USP13: variants seen among roughly 807,000 people sequenced by gnomAD.
USP13 encodes the protein ubiquitin carboxyl-terminal hydrolase 13.
USP13 carries 68 observed loss-of-function variants against 107.8 expected under a neutral mutation model. The observed-to-expected ratio is 0.63, with a 90% CI of 0.52 to 0.77. The LOEUF (loss-of-function observed/expected upper bound fraction) is 0.77, where lower values mean the gene tolerates loss of function less well. Ranked by LOEUF, USP13 falls within the 30% of genes least tolerant of loss-of-function variation. The probability of loss-of-function intolerance (pLI) is 0.00; values close to 1 mark genes in which losing one functional copy is unlikely to be tolerated. For missense variants in USP13, 945 were observed against 1,093.3 expected (o/e 0.86, Z 1.91); for synonymous variants, 377 against 389.5 (o/e 0.97, Z 0.38).
At chr3:179,667,528 T>A (rs1476887004) in intron 1 of USP13, among the ~76,000 whole-genome samples, 1 of 152,234 alleles carries the variant, frequency 6.6e-6, no homozygotes, top group African/African-American at 2.4e-5. Flanking sequence ...CGTATGCCGA[T>A]GGTTTCCATG....
At chr3:179,747,971 G>A (rs1023257232) in intron 13 of USP13, among the ~76,000 whole-genome samples, 2 of 152,190 alleles carry the variant, frequency 1.3e-5, no homozygotes, top group African/African-American at 4.8e-5. Context: ...AGTACTGGGT[G>A]TATCCAGTTG....
chr3:179,666,230 C>T (rs957654493), intron 1 of USP13, among the ~76,000 whole-genome samples: 2 of 152,062 alleles, frequency 1.3e-5, no homozygotes, highest in Admixed American at 6.6e-5. Context: ...GTGGTCATTC[C>T]GGAAGTGGAA....
intron 17 of USP13, among the ~76,000 whole-genome samples, chr3:179,761,712 ACT>A (rs949780169): frequency 1.3e-5 from 2 of 152,096 alleles, no homozygotes; most frequent in Non-Finnish European, 2.9e-5. Context: ...ACAGAGCGAG[ACT>A]CTGTCTCAAA....
intron 19 of USP13, among the ~76,000 whole-genome samples, chr3:179,772,583 A>G (rs886351564): frequency 6.6e-6 from 1 of 152,228 alleles, no homozygotes; most frequent in African/African-American, 2.4e-5. Context: ...GCTAAGCCCC[A>G]GTGGTCGACT....
intron 14 of USP13, among the ~76,000 whole-genome samples, chr3:179,752,608 A>G (rs915395032): frequency 6.6e-6 from 1 of 152,250 alleles, no homozygotes; most frequent in Admixed American, 6.5e-5. Flanking sequence ...GAGTGTAAAC[A>G]GAATCCTCAC....
At chr3:179,681,050 C>T (rs1711636103) in intron 1 of USP13, among the ~76,000 whole-genome samples, 1 of 152,128 alleles carries the variant, frequency 6.6e-6, no homozygotes, top group Non-Finnish European at 1.5e-5. Flanking sequence ...TATTGTCAGA[C>T]AAGCATGTTT....
intron 1 of USP13, among the ~76,000 whole-genome samples, chr3:179,654,062 A>G (rs1442536921): frequency 6.6e-6 from 1 of 151,434 alleles, no homozygotes; most frequent in Admixed American, 6.6e-5. Context: ...AAGAACCCCA[A>G]AATTAGCCGG....
At chr3:179,734,029 G>A (rs1049553657) in intron 10 of USP13, among the ~76,000 whole-genome samples, 2 of 152,166 alleles carry the variant, frequency 1.3e-5, no homozygotes, top group Non-Finnish European at 2.9e-5. Flanking sequence ...AAAAGGGGGC[G>A]TTTGAAGTTT....
chr3:179,772,321 C>A (rs149380672), intron 19 of USP13, among the ~76,000 whole-genome samples: 121 of 152,292 alleles, frequency 7.9e-4, no homozygotes, highest in Middle Eastern at 3.4e-3. Context: ...TTTAATTTTT[C>A]TTAAGAAAAG....
Position 179,745,088 on chromosome 3 carries a change from A to G in USP13, c.1580A>G (p.Asn527Ser). Residue 527 changes from asparagine (N) to serine (S), a missense_variant, in exon 13 of 21, where the codon AAC (asparagine) becomes AGC (serine). Coordinates refer to ENST00000263966, the MANE Select transcript of USP13 (RefSeq NM_003940.3). ...YELTRREAEA[N>S]RRPLPELVRA... ...CTAACGAGAAGGGAAGCAGAAGCAA[A>G]CAGAAGACCCCTTCCTGAGTTGGTA... 6.2e-7 allele frequency: 1 copy of G among 1,614,156 alleles called. No individual in the cohort carries two copies. The highest frequency in any genetic ancestry group is 8.5e-7 in the Non-Finnish European group (1 of 1,180,022).
At position 179,730,259 on chromosome 3, in the gene USP13, A is replaced by G. The variant is rs199508428; in HGVS notation, c.1159A>G (p.Met387Val). 5.5e-5 allele frequency: 88 copies of G among 1,595,722 alleles called. No homozygotes were observed. Among genetic ancestry groups the G allele is most frequent in the Non-Finnish European group, 9.4e-6 (11 of 1,175,918 alleles). ...TCCAACACAAGATTTCAACACACAG[A>G]TGTAAGTGCCAGATTTGTATTTTTT... is the stretch of plus-strand genomic sequence containing the variant. ...LDPTQDFNTQ[M>V]TKLGHGLLSG... The change falls in exon 9 of 21, where the codon ATG becomes GTG. Residue 387 changes from methionine (M) to valine (V), a missense_variant and splice_region_variant. Coordinates refer to ENST00000263966, the MANE Select transcript of USP13 (RefSeq NM_003940.3).
intron 1 of USP13, among the ~76,000 whole-genome samples, chr3:179,679,311 A>G (rs1711570468): frequency 6.6e-6 from 1 of 152,188 alleles, no homozygotes; most frequent in Non-Finnish European, 1.5e-5. Context: ...AAACAAAATT[A>G]TTGGAATTTT....
rs149200725 is a variant in USP13, at chr3:179,744,545, C to A, written c.1535-498C>A. The stretch of plus-strand genomic sequence containing the variant: ...GGGAGTGCTGATCAGAGTTTTAAGT[C>A]CAGCTTTGCCAATAATTGGCTGGTT... On this transcript the variant is annotated intron_variant, in intron 12 of 20. Coordinates refer to ENST00000263966, the MANE Select transcript of USP13 (RefSeq NM_003940.3). Among the ~76,000 whole-genome samples, 350 of 152,132 alleles carry A rather than the reference C, an allele frequency of 2.3e-3. 5 individuals are homozygous for A. The highest frequency in any genetic ancestry group is 8.2e-3 in the African/African-American group (339 of 41,520).
At chr3:179,745,383 G>T (rs1244534694) in intron 13 of USP13, among the ~76,000 whole-genome samples, 166 bp downstream of exon 13, 2 of 152,302 alleles carry the variant, frequency 1.3e-5, no homozygotes, top group African/African-American at 4.8e-5. Flanking sequence ...AACTTCACTT[G>T]TGTGAGACCT....
rs185494023 is a variant in USP13, at chr3:179,701,438, C to T, written c.477+309C>T. Among the ~76,000 whole-genome samples the T allele has an allele frequency of 9.2e-5, 14 of 152,196 alleles. No individual in the cohort carries two copies. The East Asian group carries it at 2.7e-3, about 29-fold the overall frequency. ...CTTGCCTCCTAAATCACAATCTGTT[C>T]CTTAGATTTTCAAACTCTGCACCCC... On this transcript the variant is annotated intron_variant, in intron 4 of 20. Transcript: ENST00000263966.
At chr3:179,720,869 C>T (rs1056034051) in intron 7 of USP13, among the ~76,000 whole-genome samples, 2 of 150,190 alleles carry the variant, frequency 1.3e-5, no homozygotes, top group Admixed American at 6.6e-5. Flanking sequence ...AGTGCAGTGG[C>T]GCGATCTCAG....
chr3:179,788,317 G>C lies in USP13; in HGVS notation c.*4176G>C, dbSNP rs371210506. Reference sequence around the variant, plus strand: ...CTATAGAACAAGGTTCTGTACTCTTGAGTTGGTGTCTGAGATCACCTGCAC... The same window carrying C: ...CTATAGAACAAGGTTCTGTACTCTTCAGTTGGTGTCTGAGATCACCTGCAC... On this transcript the variant is annotated 3_prime_UTR_variant, in exon 21 of 21. Transcript: ENST00000263966. 111 of 152,304 alleles carry C rather than the reference G, an allele frequency of 7.3e-4. 2 individuals are homozygous for C. The highest frequency in any genetic ancestry group is 2.4e-3 in the African/African-American group (101 of 41,556). 9.4% of individuals were successfully genotyped at this position (152,304 alleles called of 1,614,324 possible). A position where few individuals can be genotyped will look rare whatever the true frequency, so the allele number is the denominator to read the frequency against.
chr3:179,776,798 C>T (rs1715553953), intron 19 of USP13, among the ~76,000 whole-genome samples: 2 of 148,318 alleles, frequency 1.3e-5, no homozygotes, highest in Admixed American at 6.7e-5. Flanking sequence ...TTTTGACTTT[C>T]ATCAGAAAAA....
chr3:179,711,684 A>G (rs1423725834), intron 6 of USP13, among the ~76,000 whole-genome samples: 1 of 152,206 alleles, frequency 6.6e-6, no homozygotes, highest in Admixed American at 6.5e-5. Context: ...CCCACTGGAA[A>G]GTCTTCTGGG....
Sources: gnomAD v4.1 joint callset for allele counts (sites outside exome capture counted in the v4.1 genomes callset) on GRCh38, gnomAD v4.1.1 for gene constraint, MANE v1.5 for transcripts, NCBI Gene and HGNC (gene_info 2026-07-23, HGNC 2026-07-21) for gene names.